Variants in TIAM2 observed in about 807,000 individuals in gnomAD.
TIAM2 encodes the protein rho guanine nucleotide exchange factor TIAM2.
Under a neutral mutation model 152.9 loss-of-function variants are expected in TIAM2, and 80 were observed. The ratio of observed to expected loss-of-function variants is 0.52; its 90% CI spans 0.44 to 0.63. The LOEUF (loss-of-function observed/expected upper bound fraction) is 0.63. Ranked by LOEUF, TIAM2 falls within the 30% of genes least tolerant of loss-of-function variation. The pLI is 0.00. For synonymous variants in TIAM2, 804 were observed against 838.0 expected (o/e 0.96, Z 0.70); for missense variants, 1,965 against 2,120.1 (o/e 0.93, Z 1.44).
intron 7 of TIAM2, among the ~76,000 whole-genome samples, chr6:155,164,138 T>TTTTTTTG (rs1327726351): frequency 2.9e-5 from 4 of 139,940 alleles, no homozygotes; most frequent in African/African-American, 1.0e-4. Context: ...TTTGTGTTTT[T>TTTTTTTG]TTTTTTTCTT....
intron 15 of TIAM2, among the ~76,000 whole-genome samples, chr6:155,215,579 C>T (rs1187389267): frequency 1.3e-5 from 2 of 152,064 alleles, no homozygotes; most frequent in African/African-American, 4.8e-5. Flanking sequence ...TACTCAGTTT[C>T]CCTGTTCTTT....
At chr6:155,012,114 A>G (rs1050817475) in intron 1 of TIAM2, among the ~76,000 whole-genome samples, 4 of 152,256 alleles carry the variant, frequency 2.6e-5, no homozygotes, top group Non-Finnish European at 5.9e-5. Flanking sequence ...AATAAATAAC[A>G]TACAGTGTTT....
At chr6:155,192,310 A>G (rs983148753) in intron 14 of TIAM2, among the ~76,000 whole-genome samples, 7 of 152,098 alleles carry the variant, frequency 4.6e-5, no homozygotes, top group African/African-American at 1.7e-4. Context: ...AAATACAAAC[A>G]TGAAAAAAAA....
intron 1 of TIAM2, among the ~76,000 whole-genome samples, chr6:155,068,012 A>G (rs931474385): frequency 1.3e-5 from 2 of 152,132 alleles, no homozygotes; most frequent in Admixed American, 1.3e-4. Flanking sequence ...TATTTTTATT[A>G]CACTTAGTCA....
chr6:155,154,895 G>A lies in TIAM2; in HGVS notation c.2028+6561G>A, dbSNP rs11963758. Among the ~76,000 whole-genome samples the A allele has an allele frequency of 2.1e-3, 319 of 152,328 alleles. 1 individual carries two copies. The highest frequency in any genetic ancestry group is 7.3e-3 in the African/African-American group (305 of 41,582). On this transcript the variant is annotated intron_variant, in intron 7 of 26. Coordinates refer to ENST00000682666, the MANE Select transcript of TIAM2 (RefSeq NM_012454.4). ...TAAAATCATAAAGAGGACGGATTGCGTTTGGACAATTGGCAACTGGTGAAG... is the reference window on the plus strand; with the variant it reads ...TAAAATCATAAAGAGGACGGATTGCATTTGGACAATTGGCAACTGGTGAAG...
rs57939338 is a variant in TIAM2, at chr6:155,140,573, T to TGAGAGA, written c.1630+3000_1630+3005dup. ...GTGTGTGTATGTGTGTGTGTGTGTG[T>TGAGAGA]GAGAGAGAGAGAGAGAGAGAGAGAG... On this transcript the variant is annotated intron_variant, in intron 5 of 26. Transcript: ENST00000682666. Among the ~76,000 whole-genome samples, 311 of 107,454 alleles carry TGAGAGA rather than the reference T, an allele frequency of 2.9e-3. 1 individual carries two copies. The highest frequency in any genetic ancestry group is 8.8e-3 in the South Asian group (22 of 2,494). The allele number at this position is 107,454 out of a possible 152,430, so 70.5% of individuals were successfully genotyped here.
chr6:155,006,919 G>T (rs1778411763), intron 1 of TIAM2, among the ~76,000 whole-genome samples: 1 of 152,018 alleles, frequency 6.6e-6, no homozygotes, highest in African/African-American at 2.4e-5. Context: ...TCAAACTCTT[G>T]ACCTCAAGTG....
intron 2 of TIAM2, among the ~76,000 whole-genome samples, chr6:155,119,288 G>T (rs1301757176): frequency 6.6e-6 from 1 of 151,872 alleles, no homozygotes; most frequent in Non-Finnish European, 1.5e-5. Context: ...ACCAGCCTCG[G>T]CCTCCCAAAG....
chr6:155,190,068 C>T lies in TIAM2; in HGVS notation c.3064+6568C>T, dbSNP rs555616129. 9.8e-5 allele frequency among the ~76,000 whole-genome samples: 15 copies of T among 152,332 alleles called. No individual in the cohort carries two copies. In the South Asian group the frequency reaches 1.9e-3, roughly 19 times the overall value. ...AACCCTGAATTCCAGGAATTTATAACGTATCGTTGCATGTATCTGAAAAAC... is the reference window on the plus strand; with the variant it reads ...AACCCTGAATTCCAGGAATTTATAATGTATCGTTGCATGTATCTGAAAAAC... On this transcript the variant is annotated intron_variant, in intron 14 of 26. Coordinates refer to ENST00000682666, the MANE Select transcript of TIAM2 (RefSeq NM_012454.4).
At chr6:155,235,910 A>G (rs1388374790) in intron 15 of TIAM2, among the ~76,000 whole-genome samples, 1 of 152,214 alleles carries the variant, frequency 6.6e-6, no homozygotes, top group Non-Finnish European at 1.5e-5. Flanking sequence ...CATCCCAGTG[A>G]AGCAAAGCCA....
At chr6:155,231,162 T>G (rs1180019160) in intron 15 of TIAM2, among the ~76,000 whole-genome samples, 1 of 152,168 alleles carries the variant, frequency 6.6e-6, no homozygotes, top group African/African-American at 2.4e-5. Flanking sequence ...CCCTTACCAG[T>G]AAATCACGTC....
In TIAM2 at chr6:155,098,293, C is replaced by A. The variant is rs143014196; in HGVS notation, c.-118+7914C>A. Among the ~76,000 whole-genome samples the A allele has an allele frequency of 2.4e-4, 37 of 152,004 alleles. No homozygotes were observed. In the East Asian group the frequency reaches 5.8e-3, roughly 24 times the overall value. ...TATTGCCATTTTAACAATATTAATT[C>A]TTCCAAGCCGTGAGCATGGAATATC... On this transcript the variant is annotated intron_variant, in intron 2 of 26. Transcript: ENST00000682666.
chr6:155,183,950 T>G (rs1362752256), intron 14 of TIAM2, among the ~76,000 whole-genome samples: 1 of 152,202 alleles, frequency 6.6e-6, no homozygotes, highest in African/African-American at 2.4e-5. Context: ...AGTACTACTT[T>G]ATTAATAAAC....
chr6:155,204,718 T>C (rs1415573056), intron 14 of TIAM2, among the ~76,000 whole-genome samples: 1 of 152,242 alleles, frequency 6.6e-6, no homozygotes, highest in African/African-American at 2.4e-5. Context: ...TTCATTCTCA[T>C]GCCCGATACT....
chr6:155,208,540 A>T (rs760473636), intron 14 of TIAM2, among the ~76,000 whole-genome samples: 1 of 151,886 alleles, frequency 6.6e-6, no homozygotes, highest in Non-Finnish European at 1.5e-5. Flanking sequence ...AAAATCTCCC[A>T]CTGCATGGCC....
chr6:155,030,259 C>T (rs1414655797), intron 1 of TIAM2, among the ~76,000 whole-genome samples: 1 of 152,056 alleles, frequency 6.6e-6, no homozygotes, highest in African/African-American at 2.4e-5. Flanking sequence ...GAGAGTTGAA[C>T]ATCTTGGAAA....
At chr6:155,244,289 A>C (rs1394730684) in intron 17 of TIAM2, among the ~76,000 whole-genome samples, 1 of 152,232 alleles carries the variant, frequency 6.6e-6, no homozygotes, top group Non-Finnish European at 1.5e-5. Flanking sequence ...ACAAAGGCAG[A>C]GGGACGGTTA....
At chr6:155,246,768 G>A (rs1025188888) in intron 19 of TIAM2, among the ~76,000 whole-genome samples, 27 of 152,232 alleles carry the variant, frequency 1.8e-4, no homozygotes, top group South Asian at 4.1e-4. Flanking sequence ...TTGTCATAAA[G>A]AAGAGGGGTC....
At chr6:155,222,338 C>A (rs1024469811) in intron 15 of TIAM2, among the ~76,000 whole-genome samples, 10 of 142,824 alleles carry the variant, frequency 7.0e-5, no homozygotes, top group African/African-American at 2.6e-4. Flanking sequence ...GCGTGGCTCA[C>A]GCCTGTAGTC....
Sources: gnomAD v4.1 joint callset for allele counts (sites outside exome capture counted in the v4.1 genomes callset) on GRCh38, gnomAD v4.1.1 for gene constraint, MANE v1.5 for transcripts, NCBI Gene and HGNC (gene_info 2026-07-23, HGNC 2026-07-21) for gene names.